Variants in HCN1 observed in about 807,000 individuals in gnomAD.
The protein encoded by HCN1 is potassium/sodium hyperpolarization-activated cyclic nucleotide-gated channel 1.
Under a neutral mutation model 78.9 loss-of-function variants are expected in HCN1, and 13 were observed. That is an observed-to-expected ratio of 0.16 (90% confidence interval 0.11 to 0.26). HCN1 has a LOEUF of 0.26. Ranked by LOEUF, HCN1 falls within the 10% of genes least tolerant of loss-of-function variation. The probability of loss-of-function intolerance (pLI) is 1.00; values close to 1 mark genes in which losing one functional copy is unlikely to be tolerated. For missense variants in HCN1, 810 were observed against 1,154.3 expected (o/e 0.70, Z 4.32); for synonymous variants, 552 against 455.5 (o/e 1.21, Z -2.70).
intron 1 of HCN1, among the ~76,000 whole-genome samples, chr5:45,681,596 A>G (rs1739703912): frequency 6.6e-6 from 1 of 152,162 alleles, no homozygotes; most frequent in East Asian, 1.9e-4. Flanking sequence ...AAAATTTAAA[A>G]AAATCCTTTT....
chr5:45,604,038 T>C (rs77232883), intron 2 of HCN1, among the ~76,000 whole-genome samples: 5,813 of 152,080 alleles, frequency 0.038, 407 homozygotes, highest in African/African-American at 0.13. Context: ...TTACAAGAAA[T>C]GAGCCCTAAA....
At chr5:45,632,608 G>A (rs543137044) in intron 2 of HCN1, among the ~76,000 whole-genome samples, 1 of 151,888 alleles carries the variant, frequency 6.6e-6, no homozygotes, top group African/African-American at 2.4e-5. Flanking sequence ...CCGAAATTCT[G>A]GTTAATTTCA....
At chr5:45,671,829 C>T (rs550671774) in intron 1 of HCN1, among the ~76,000 whole-genome samples, 2 of 151,390 alleles carry the variant, frequency 1.3e-5, no homozygotes, top group Admixed American at 6.6e-5. Context: ...TTAGGACTGT[C>T]AAAAATCTGT....
At chr5:45,278,126 T>A (rs1158096237) in intron 6 of HCN1, among the ~76,000 whole-genome samples, 1 of 152,090 alleles carries the variant, frequency 6.6e-6, no homozygotes, top group Admixed American at 6.6e-5. Context: ...TCCCCCTGAG[T>A]GCCTGACTCA....
chr5:45,311,818 C>A (rs1035542478), intron 5 of HCN1, among the ~76,000 whole-genome samples: 1 of 152,174 alleles, frequency 6.6e-6, no homozygotes, highest in Admixed American at 6.5e-5. Flanking sequence ...GAAGAGTACA[C>A]TGGTCGCCTT....
At chr5:45,614,350 G>T (rs1323657089) in intron 2 of HCN1, among the ~76,000 whole-genome samples, 2 of 152,062 alleles carry the variant, frequency 1.3e-5, no homozygotes, top group Non-Finnish European at 2.9e-5. Flanking sequence ...AATGAAATCA[G>T]TGATAAACTT....
chr5:45,361,401 C>T lies in HCN1; in HGVS notation c.1231-8155G>A, dbSNP rs138178170. Among the ~76,000 whole-genome samples, 31 of 152,290 alleles carry T rather than the reference C, an allele frequency of 2.0e-4. No homozygotes were observed. The East Asian group carries it at 3.9e-3, about 19-fold the overall frequency. The stretch of plus-strand genomic sequence containing the variant: ...TGTTGGTCAGACTGGTCACTGCAAC[C>T]TCAGCCTCCTGGGTTCTAGTGATTC... On this transcript the variant is annotated intron_variant, in intron 4 of 7. Transcript: ENST00000303230.
chr5:45,584,668 T>C (rs1466403377), intron 2 of HCN1, among the ~76,000 whole-genome samples: 3 of 152,316 alleles, frequency 2.0e-5, no homozygotes, highest in African/African-American at 4.8e-5. Context: ...TGGCTGATAC[T>C]GGTTGTTCCT....
intron 2 of HCN1, among the ~76,000 whole-genome samples, chr5:45,517,871 C>T (rs188078060): frequency 8.7e-4 from 133 of 152,134 alleles, no homozygotes; most frequent in African/African-American, 2.6e-3. Flanking sequence ...TATGGCCTAT[C>T]TTTGGGCTTC....
intron 2 of HCN1, among the ~76,000 whole-genome samples, chr5:45,584,520 C>T (rs989576883): frequency 6.6e-6 from 1 of 151,766 alleles, no homozygotes; most frequent in Non-Finnish European, 1.5e-5. Context: ...GAGCGTTTAG[C>T]CCATTTACAT....
At chr5:45,604,426 A>G (rs930793716) in intron 2 of HCN1, among the ~76,000 whole-genome samples, 2 of 151,928 alleles carry the variant, frequency 1.3e-5, no homozygotes, top group Non-Finnish European at 2.9e-5. Flanking sequence ...CATGAAAGAA[A>G]GTCTGTGCTT....
intron 6 of HCN1, among the ~76,000 whole-genome samples, chr5:45,281,016 C>CAA (rs199597125): frequency 1.0e-3 from 127 of 125,722 alleles, no homozygotes; most frequent in African/African-American, 2.8e-3. Flanking sequence ...GATTCAGAGG[C>CAA]AAAAAAAAAA....
In HCN1 at chr5:45,692,180, C is replaced by A. The variant is rs982123225; in HGVS notation, c.425+3489G>T. ...TTGCTTGCATAATAAAAATCATCCA[C>A]AAAAGTATTCTAAATATTCTTTCAA... On this transcript the variant is annotated intron_variant, in intron 1 of 7. Transcript: ENST00000303230. 2.0e-5 allele frequency among the ~76,000 whole-genome samples: 3 copies of A among 152,142 alleles called. 1 individual carries two copies. In the South Asian group the frequency reaches 6.2e-4, roughly 31 times the overall value.
Position 45,255,497 on chromosome 5 carries a change from G to A in HCN1, c.*6424C>T, listed in dbSNP as rs544227916. 1.1e-4 allele frequency: 17 copies of A among 152,290 alleles called. No homozygotes were observed. The highest frequency in any genetic ancestry group is 3.8e-4 in the African/African-American group (16 of 41,574). 9.4% of individuals were successfully genotyped at this position (152,290 alleles called of 1,614,324 possible). A position where few individuals can be genotyped will look rare whatever the true frequency, so the allele number is the denominator to read the frequency against. ...GCACTTCTTGTAATTATACTTCTGG[G>A]TGATACTGACGCTGCAGTTCCATGC... On this transcript the variant is annotated 3_prime_UTR_variant, in exon 8 of 8. Transcript: ENST00000303230.
intron 4 of HCN1, among the ~76,000 whole-genome samples, chr5:45,372,591 A>G (rs964064542): frequency 8.2e-6 from 1 of 122,390 alleles, no homozygotes; most frequent in Non-Finnish European, 1.6e-5. Flanking sequence ...AAACATTTAC[A>G]TATAAAAATA....
intron 6 of HCN1, among the ~76,000 whole-genome samples, chr5:45,297,889 C>T (rs962355438): frequency 4.0e-5 from 6 of 151,882 alleles, no homozygotes; most frequent in African/African-American, 9.7e-5. Flanking sequence ...GAAAAACATA[C>T]ATTTGACAAT....
intron 2 of HCN1, among the ~76,000 whole-genome samples, chr5:45,499,532 C>G (rs1163355925): frequency 6.6e-6 from 1 of 152,174 alleles, no homozygotes; most frequent in East Asian, 1.9e-4. Flanking sequence ...GATGGAAATG[C>G]AGAAATCACC....
chr5:45,281,027 A>T (rs1745151830), intron 6 of HCN1, among the ~76,000 whole-genome samples: 1 of 152,062 alleles, frequency 6.6e-6, no homozygotes, highest in Non-Finnish European at 1.5e-5. Flanking sequence ...AAAAAAAAAA[A>T]ATACAGAAAA....
intron 3 of HCN1, among the ~76,000 whole-genome samples, chr5:45,441,031 A>T (rs778801012): frequency 2.6e-5 from 4 of 152,178 alleles, no homozygotes; most frequent in Non-Finnish European, 4.4e-5. Flanking sequence ...TTTTCCAGAT[A>T]TTAGCATAAC....
Sources: allele counts gnomAD v4.1 joint callset (sites outside exome capture counted in the v4.1 genomes callset), GRCh38; gene constraint gnomAD v4.1.1; transcripts MANE v1.5; gene names NCBI Gene and HGNC (gene_info 2026-07-23, HGNC 2026-07-21).